The following SCN11A variants were observed in gnomAD, a reference collection of about 807,000 sequenced individuals.
SCN11A encodes sodium voltage-gated channel alpha subunit 11, also known as sodium channel protein type 11 subunit alpha.
SCN11A carries 122 observed loss-of-function variants against 162.2 expected under a neutral mutation model. The ratio of observed to expected loss-of-function variants is 0.75; its 90% CI spans 0.65 to 0.87. The LOEUF is 0.87. SCN11A is among the 40% of genes least tolerant of loss of function. The pLI is 0.00. For synonymous variants in SCN11A, 758 were observed against 751.5 expected (o/e 1.01, Z -0.14); for missense variants, 2,015 against 2,181.6 (o/e 0.92, Z 1.52).
chr3:39,015,550 T>G (rs2031268920), intron 2 of SCN11A, among the ~76,000 whole-genome samples: 1 of 152,054 alleles, frequency 6.6e-6, no homozygotes, highest in South Asian at 2.1e-4. Flanking sequence ...ATACAAACAT[T>G]TGTATACTCT....
rs756433527 is a variant in SCN11A, at chr3:38,907,998, C to T, written c.1424G>A (p.Gly475Glu). ...KRKSFFLRES[G>E]KDQPPGSDSD... is the part of the protein sequence containing the mutation. ...ATCTGACCCAGGAGGCTGGTCTTTC[C>T]CAGACTCTCTCAAAAAGAAGGACTT... The change falls in exon 14 of 30, where the codon GGG (glycine) becomes GAG (glutamate). Residue 475 changes from glycine to glutamate, a missense_variant. Transcript: ENST00000302328. 1.9e-6 allele frequency: 3 copies of T among 1,613,012 alleles called. No homozygotes were observed. The South Asian group carries it at 3.3e-5, about 18-fold the overall frequency.
At chr3:38,951,073 C>G (rs970889173) in intron 4 of SCN11A, among the ~76,000 whole-genome samples, 2 of 152,374 alleles carry the variant, frequency 1.3e-5, no homozygotes, top group Admixed American at 6.5e-5. Flanking sequence ...CCCTTCAGCC[C>G]ACCGCTGCAC....
intron 23 of SCN11A, among the ~76,000 whole-genome samples, chr3:38,876,286 T>C (rs1276268702): frequency 1.3e-5 from 2 of 152,072 alleles, no homozygotes; most frequent in Non-Finnish European, 2.9e-5. Context: ...AAAACTCTTC[T>C]AGACATTGGC....
chr3:38,951,576 C>A (rs889280008), intron 4 of SCN11A, among the ~76,000 whole-genome samples: 2 of 152,262 alleles, frequency 1.3e-5, no homozygotes, highest in Admixed American at 6.5e-5. Context: ...CACCTGCGGC[C>A]CCGGTGCGGG....
chr3:38,908,861 A>G, intron 13 of SCN11A, 136 bp downstream of exon 13: 1 of 730,964 alleles, frequency 1.4e-6, no homozygotes, highest in South Asian at 1.7e-5. Context: ...AGGGACTTAT[A>G]TTCTCAGAAA....
chr3:38,894,051 A>G (rs1363886208), intron 19 of SCN11A, among the ~76,000 whole-genome samples: 1 of 152,100 alleles, frequency 6.6e-6, no homozygotes, highest in Non-Finnish European at 1.5e-5. Flanking sequence ...TGAATAGACT[A>G]ATACAATATC....
Position 38,908,190 on chromosome 3 carries a change from G to A in SCN11A, c.1300-68C>T, listed in dbSNP as rs781300662. ...CTCATGAAACATTGCAAATGACCCC[G>A]ACCTGAGAGTGGTGAAAATCTCTCT... On this transcript the variant is annotated intron_variant, in intron 13 of 29. Coordinates refer to ENST00000302328, the MANE Select transcript of SCN11A (RefSeq NM_001349253.2). The A allele has an allele frequency of 5.8e-6, 8 of 1,389,726 alleles. No homozygotes were observed. The East Asian group carries it at 6.9e-5, about 12-fold the overall frequency. The allele number at this position is 1,389,726 out of a possible 1,614,324, so 86.1% of individuals were successfully genotyped here. A position where few individuals can be genotyped will look rare whatever the true frequency, so the allele number is the denominator to read the frequency against.
At chr3:39,025,651 G>A (rs906787912) in intron 2 of SCN11A, among the ~76,000 whole-genome samples, 1 of 152,216 alleles carries the variant, frequency 6.6e-6, no homozygotes, top group African/African-American at 2.4e-5. Context: ...TGTGTAAGGA[G>A]CAGTGAGGAC....
At chr3:38,852,635 C>G (rs1482011810) in intron 28 of SCN11A, among the ~76,000 whole-genome samples, 1 of 152,158 alleles carries the variant, frequency 6.6e-6, no homozygotes, top group Non-Finnish European at 1.5e-5. Flanking sequence ...ACCCCTTGTT[C>G]TATTACTGGA....
Position 38,910,111 on chromosome 3 carries a change from C to T in SCN11A, c.1056G>A (p.Met352Ile). The T allele has an allele frequency of 5.6e-6, 9 of 1,613,872 alleles. No individual in the cohort carries two copies. Among genetic ancestry groups the T allele is most frequent in the Non-Finnish European group, 7.6e-6 (9 of 1,179,894 alleles). Residue 352 changes from methionine to isoleucine, a missense_variant, in exon 12 of 30, where the codon ATG becomes ATA. Physicochemically the swap from Met to Ile is conservative, Grantham distance 10. Transcript: ENST00000302328. ...AGGAATCTTGGGTCATCAGCCGGAA[C>T]ATGGCAAGAAAAGACCAGCCAAAGT... ...FDNFGWSFLA[M>I]FRLMTQDSWE...
intron 27 of SCN11A, 50 bp downstream of exon 27, chr3:38,867,271 T>A: frequency 6.4e-7 from 1 of 1,556,088 alleles, no homozygotes; most frequent in Non-Finnish European, 8.8e-7. Context: ...TGTTAATGCA[T>A]TTGGAGGACA....
rs2031781757 is a variant in SCN11A at position 39,032,387 on chromosome 3, C to T, written c.-287G>A. 6.6e-6 allele frequency among the ~76,000 whole-genome samples: 1 copy of T among 152,156 alleles called. No homozygotes were observed. The highest frequency in any genetic ancestry group is 1.5e-5 in the Non-Finnish European group (1 of 68,026). ...AAATATGAAAACACTCACCGCTCCC[C>T]TCTGGTAAACAAGATGCCAACTCTA... On this transcript the variant is annotated 5_prime_UTR_variant, in exon 2 of 30. Coordinates refer to ENST00000302328, the MANE Select transcript of SCN11A (RefSeq NM_001349253.2).
At chr3:38,995,097 C>T (rs2030579540) in intron 2 of SCN11A, among the ~76,000 whole-genome samples, 1 of 152,070 alleles carries the variant, frequency 6.6e-6, no homozygotes, top group Non-Finnish European at 1.5e-5. Flanking sequence ...CCAAATAAGC[C>T]CATATCAGCA....
chr3:39,042,867 G>C (rs2032082560), intron 1 of SCN11A, among the ~76,000 whole-genome samples: 1 of 138,114 alleles, frequency 7.2e-6, no homozygotes, highest in East Asian at 2.3e-4. Context: ...TGAGGCAGGA[G>C]AATCACTTGA....
At chr3:38,902,183 C>G (rs2065712151) in intron 16 of SCN11A, among the ~76,000 whole-genome samples, 1 of 152,160 alleles carries the variant, frequency 6.6e-6, no homozygotes, top group South Asian at 2.1e-4. Context: ...TGACCATGCC[C>G]CTATAGACAC....
intron 14 of SCN11A, 70 bp from the exon 15 acceptor site, chr3:38,905,391 T>C: frequency 6.5e-7 from 1 of 1,542,902 alleles, no homozygotes; most frequent in Non-Finnish European, 8.8e-7. Flanking sequence ...ACAAACTACT[T>C]TGTTCCAATG....
intron 28 of SCN11A, among the ~76,000 whole-genome samples, chr3:38,855,874 C>T (rs1441426797): frequency 6.6e-6 from 1 of 152,186 alleles, no homozygotes; most frequent in Non-Finnish European, 1.5e-5. Context: ...AACCTGAAAA[C>T]AGATCACATC....
intron 7 of SCN11A, among the ~76,000 whole-genome samples, chr3:38,928,371 G>C (rs1394618557): frequency 6.6e-6 from 1 of 152,048 alleles, no homozygotes; most frequent in Non-Finnish European, 1.5e-5. Context: ...GGGGCCTGTT[G>C]GGGGTGGGGA....
chr3:38,945,615 C>T (rs2066505334), intron 6 of SCN11A, 103 bp from the exon 7 acceptor site: 4 of 633,532 alleles, frequency 6.3e-6, no homozygotes, highest in African/African-American at 1.8e-5. Flanking sequence ...TCTGCAGGTG[C>T]ATCTATCTTC....
Sources: allele counts gnomAD v4.1 joint callset (sites outside exome capture counted in the v4.1 genomes callset), GRCh38; gene constraint gnomAD v4.1.1; transcripts MANE v1.5; gene names NCBI Gene and HGNC (gene_info 2026-07-23, HGNC 2026-07-21).